The following NR2C2 variants were observed in gnomAD, a reference collection of about 807,000 sequenced individuals.
NR2C2 encodes the protein nuclear receptor subfamily 2 group C member 2.
NR2C2 carries 6 observed loss-of-function variants against 62.9 expected under a neutral mutation model. The ratio of observed to expected loss-of-function variants is 0.10; its 90% CI spans 0.05 to 0.19. The LOEUF is 0.19. Among genes scored for constraint, NR2C2 ranks in the 10% least tolerant of loss-of-function variants. The pLI is 1.00. For synonymous variants in NR2C2, 272 were observed against 273.8 expected (o/e 0.99, Z 0.07); for missense variants, 479 against 762.7 (o/e 0.63, Z 4.38).
chr3:14,947,941 G>T, intron 1 of NR2C2, 35 bp downstream of exon 1: 1 of 151,598 alleles, frequency 6.6e-6, no homozygotes, highest in South Asian at 2.0e-4. Context: ...GGCTCGGGCC[G>T]GCGGCGGAGG....
At chr3:14,958,471 A>G (rs2039590897) in intron 1 of NR2C2, among the ~76,000 whole-genome samples, 1 of 152,140 alleles carries the variant, frequency 6.6e-6, no homozygotes, top group South Asian at 2.1e-4. Flanking sequence ...GTGAAGTACT[A>G]GCCTTTAGGA....
intron 1 of NR2C2, among the ~76,000 whole-genome samples, chr3:14,963,841 G>A (rs576455833): frequency 1.3e-5 from 2 of 152,078 alleles, no homozygotes; most frequent in East Asian, 1.9e-4. Context: ...AGTTTAAACC[G>A]ATAAAAATGG....
chr3:15,005,006 GC>G (rs2041128163), intron 2 of NR2C2, among the ~76,000 whole-genome samples: 1 of 151,998 alleles, frequency 6.6e-6, no homozygotes, highest in Non-Finnish European at 1.5e-5. Context: ...TCCTGCCTCA[GC>G]TTCCCAAAGT....
At chr3:14,997,978 C>T (rs1237292495) in intron 1 of NR2C2, among the ~76,000 whole-genome samples, 3 of 152,150 alleles carry the variant, frequency 2.0e-5, no homozygotes. Flanking sequence ...ACCTGGCAAC[C>T]ACTAATCTAC....
intron 1 of NR2C2, among the ~76,000 whole-genome samples, chr3:14,950,170 A>G (rs1344420671): frequency 6.6e-6 from 1 of 152,260 alleles, no homozygotes; most frequent in Non-Finnish European, 1.5e-5. Flanking sequence ...TGAAATTTTT[A>G]TGCAGTGTGG....
At chr3:15,028,516 A>C in intron 7 of NR2C2, 70 bp from the exon 8 acceptor site, 1 of 1,500,036 alleles carries the variant, frequency 6.7e-7, no homozygotes, top group South Asian at 1.2e-5. Flanking sequence ...CCAGCATTAT[A>C]ACTTCATTGG....
chr3:15,019,972 A>G (rs2041623769), intron 4 of NR2C2, among the ~76,000 whole-genome samples: 1 of 152,258 alleles, frequency 6.6e-6, no homozygotes, highest in South Asian at 2.1e-4. Flanking sequence ...TGATTTGATC[A>G]TTATACAACG....
chr3:14,974,227 C>G (rs2125303554), intron 1 of NR2C2, among the ~76,000 whole-genome samples: 2 of 152,256 alleles, frequency 1.3e-5, no homozygotes, highest in South Asian at 4.1e-4. Flanking sequence ...TAATATCCTC[C>G]CGGTTCAGGC....
chr3:15,040,627 G>A lies in NR2C2; in HGVS notation c.1616+1400G>A, dbSNP rs141731305. ...TCATTTCTCTGGTGTGACTGGGGGT[G>A]TCTTATGGCTGGCTGGTCCTGCTGG... is the stretch of plus-strand genomic sequence containing the variant. On this transcript the variant is annotated intron_variant, in intron 13 of 13. Transcript: ENST00000425241. 1.7e-3 allele frequency among the ~76,000 whole-genome samples: 255 copies of A among 152,320 alleles called. 7 individuals are homozygous for A. The East Asian group carries it at 0.046, about 28-fold the overall frequency.
intron 10 of NR2C2, among the ~76,000 whole-genome samples, chr3:15,032,962 A>C (rs2042016599): frequency 6.7e-6 from 1 of 148,568 alleles, no homozygotes; most frequent in Admixed American, 6.7e-5. Flanking sequence ...TCTCTACAGG[A>C]AACCCCCCCC....
At chr3:15,036,133 T>G (rs111907984) in intron 11 of NR2C2, among the ~76,000 whole-genome samples, 2,942 of 152,210 alleles carry the variant, frequency 0.019, 93 homozygotes, top group African/African-American at 0.067. Flanking sequence ...GAGGTTGCAG[T>G]GAGCCGAGAC....
In NR2C2 at chr3:15,043,064, C is replaced by A; in HGVS notation, c.*56C>A. ...GAATCCTTCCAGGACCGTTCACATA[C>A]AAAGAAAAGTAGTGGTATTTTGGTA... On this transcript the variant is annotated 3_prime_UTR_variant, in exon 14 of 14. Coordinates refer to ENST00000425241, the MANE Select transcript of NR2C2 (RefSeq NM_001291694.2). 6.7e-7 allele frequency: 1 copy of A among 1,503,100 alleles called. No individual in the cohort carries two copies. The highest frequency in any genetic ancestry group is 1.8e-4 in the Middle Eastern group (1 of 5,664). 93.1% of individuals were successfully genotyped at this position (1,503,100 alleles called of 1,614,324 possible).
rs1256214887 is a variant in NR2C2 at position 14,995,318 on chromosome 3, C to G, written c.-39-8558C>G. ...AATTTCAGAACATTTTCTTTACCCC[C>G]TCAAAAAAAAAAAAAAAAACCCCAC... On this transcript the variant is annotated intron_variant, in intron 1 of 13. Coordinates refer to ENST00000425241, the MANE Select transcript of NR2C2 (RefSeq NM_001291694.2). Among the ~76,000 whole-genome samples the G allele has an allele frequency of 3.4e-5, 5 of 145,828 alleles. No individual in the cohort carries two copies. In the East Asian group the frequency reaches 9.9e-4, roughly 29 times the overall value.
chr3:15,008,249 G>A (rs2041249282), intron 2 of NR2C2, among the ~76,000 whole-genome samples: 1 of 150,854 alleles, frequency 6.6e-6, no homozygotes, highest in South Asian at 2.1e-4. Context: ...GGGGCTGAGT[G>A]CAGTGGCTCA....
chr3:15,019,714 T>C lies in NR2C2; in HGVS notation c.377-1039T>C, dbSNP rs192960551. ...GAATCCTTAAAAAAAAAAATTGATATCATAGAAACAGAGAGTAGAATAATG... is the reference window on the plus strand; with the variant it reads ...GAATCCTTAAAAAAAAAAATTGATACCATAGAAACAGAGAGTAGAATAATG... On this transcript the variant is annotated intron_variant, in intron 4 of 13. Coordinates refer to ENST00000425241, the MANE Select transcript of NR2C2 (RefSeq NM_001291694.2). Among the ~76,000 whole-genome samples, 662 of 151,746 alleles carry C rather than the reference T, an allele frequency of 4.4e-3. 2 individuals are homozygous for C. The highest frequency in any genetic ancestry group is 7.7e-3 in the Non-Finnish European group (525 of 67,944).
At chr3:14,972,706 C>G (rs937106714) in intron 1 of NR2C2, among the ~76,000 whole-genome samples, 3 of 152,086 alleles carry the variant, frequency 2.0e-5, no homozygotes, top group Non-Finnish European at 4.4e-5. Flanking sequence ...TTAATTGGCT[C>G]ACGGTTCCAC....
chr3:14,979,505 A>C (rs2125322234), intron 1 of NR2C2, among the ~76,000 whole-genome samples: 1 of 152,338 alleles, frequency 6.6e-6, no homozygotes, highest in South Asian at 2.1e-4. Context: ...AAATGCTATA[A>C]AGAAAAGGGA....
At chr3:14,983,131 C>T (rs1451799320) in intron 1 of NR2C2, among the ~76,000 whole-genome samples, 1 of 152,096 alleles carries the variant, frequency 6.6e-6, no homozygotes, top group African/African-American at 2.4e-5. Context: ...GTTGTACTCC[C>T]TCAGTTATAC....
intron 2 of NR2C2, chr3:15,004,548 C>T (rs764436600): frequency 1.2e-6 from 2 of 1,606,874 alleles, no homozygotes; most frequent in Non-Finnish European, 1.7e-6. Flanking sequence ...GGGAAGTTGT[C>T]TTCCCTAGGG....
Sources: allele counts gnomAD v4.1 joint callset (sites outside exome capture counted in the v4.1 genomes callset), GRCh38; gene constraint gnomAD v4.1.1; transcripts MANE v1.5; gene names NCBI Gene and HGNC (gene_info 2026-07-23, HGNC 2026-07-21).